The following ARHGAP18 variants were observed in gnomAD, a reference collection of about 807,000 sequenced individuals.
The protein encoded by ARHGAP18 is rho GTPase-activating protein 18.
A neutral mutation model predicts 86.2 loss-of-function variants in ARHGAP18; 67 were observed. That is an observed-to-expected ratio of 0.78 (90% confidence interval 0.64 to 0.95). The LOEUF (loss-of-function observed/expected upper bound fraction) is 0.95, where lower values mean the gene tolerates loss of function less well. Among genes scored for constraint, ARHGAP18 ranks in the 40% least tolerant of loss-of-function variants. The pLI is 0.00. For missense variants in ARHGAP18, 691 were observed against 780.4 expected, an observed-to-expected ratio of 0.89 and a Z score of 1.37; for synonymous variants, 283 against 280.4, an observed-to-expected ratio of 1.01 and a Z score of -0.09.
intron 1 of ARHGAP18, among the ~76,000 whole-genome samples, chr6:129,703,427 T>C (rs1774751554): frequency 6.6e-6 from 1 of 152,150 alleles, no homozygotes; most frequent in Non-Finnish European, 1.5e-5. Context: ...GGCAGCACAG[T>C]GCAATCGTAC....
chr6:129,604,582 G>A (rs553621788), intron 10 of ARHGAP18, among the ~76,000 whole-genome samples: 23 of 152,214 alleles, frequency 1.5e-4, no homozygotes, highest in East Asian at 3.9e-4. Context: ...ATGTTAGATC[G>A]TCAGCCCCAC....
chr6:129,703,156 G>C (rs1429583243), intron 1 of ARHGAP18, among the ~76,000 whole-genome samples: 1 of 152,198 alleles, frequency 6.6e-6, no homozygotes, highest in Non-Finnish European at 1.5e-5. Context: ...TCTAATTTGT[G>C]AGACAGATGT....
chr6:129,618,113 CA>C (rs59768184), intron 6 of ARHGAP18, among the ~76,000 whole-genome samples: 27,581 of 132,350 alleles, frequency 0.21, 2,830 homozygotes, highest in African/African-American at 0.31. Flanking sequence ...ACAAAAAAAA[CA>C]AAAAAAAAAA....
intron 1 of ARHGAP18, among the ~76,000 whole-genome samples, chr6:129,643,455 C>T (rs1773510907): frequency 6.6e-6 from 1 of 152,160 alleles, no homozygotes; most frequent in African/African-American, 2.4e-5. Context: ...GTTTGCCTCC[C>T]TTTCTGCCAT....
intron 1 of ARHGAP18, among the ~76,000 whole-genome samples, chr6:129,703,484 A>G (rs6917887): frequency 0.35 from 52,973 of 152,142 alleles, 10,406 homozygotes; most frequent in African/African-American, 0.51. Flanking sequence ...CAAATGTTCA[A>G]CAAGTTTCTC....
At position 129,608,067 on chromosome 6, in the gene ARHGAP18, A is replaced by AG; in HGVS notation, c.1123-16_1123-15insC. ...TGGCAAAGATTCTGATAGGCACGAA[A>AG]AAAAAAAAAAAAAAAAAAAGAAGCA... On this transcript the variant is annotated splice_polypyrimidine_tract_variant and intron_variant, in intron 8 of 14. Transcript: ENST00000368149. 1.5e-6 allele frequency: 1 copy of AG among 654,414 alleles called. No individual in the cohort carries two copies. 40.5% of individuals were successfully genotyped at this position (654,414 alleles called of 1,614,324 possible).
chr6:129,580,767 C>T (rs1039601272), intron 13 of ARHGAP18, among the ~76,000 whole-genome samples: 2 of 151,848 alleles, frequency 1.3e-5, no homozygotes, highest in Admixed American at 1.3e-4. Context: ...CCTAGCTACT[C>T]GGGAGGCTGA....
chr6:129,600,469 G>A (rs1788714720), intron 11 of ARHGAP18, among the ~76,000 whole-genome samples, 173 bp downstream of exon 11: 1 of 152,166 alleles, frequency 6.6e-6, no homozygotes, highest in Non-Finnish European at 1.5e-5. Context: ...TACAAGGCAT[G>A]TTTTGACATA....
intron 12 of ARHGAP18, among the ~76,000 whole-genome samples, chr6:129,596,312 T>C (rs1434250953): frequency 1.3e-5 from 2 of 152,020 alleles, no homozygotes; most frequent in African/African-American, 2.4e-5. Flanking sequence ...TGTCTTAAGG[T>C]TTTTTCACAG....
At chr6:129,642,040 T>C (rs1212428709) in intron 1 of ARHGAP18, 22 bp from the exon 2 acceptor site, 5 of 1,606,530 alleles carry the variant, frequency 3.1e-6, no homozygotes, top group East Asian at 2.2e-5. Flanking sequence ...AAAGAACCCA[T>C]GGTTTATTTT....
intron 4 of ARHGAP18, 76 bp downstream of exon 4, chr6:129,633,966 T>A (rs982356672): frequency 7.9e-6 from 10 of 1,268,758 alleles, no homozygotes; most frequent in East Asian, 4.8e-5. Context: ...TTGAAGGTAA[T>A]GTTTTATAAG....
At chr6:129,598,011 T>C (rs1419767797) in intron 12 of ARHGAP18, among the ~76,000 whole-genome samples, 4 of 152,158 alleles carry the variant, frequency 2.6e-5, no homozygotes, top group Non-Finnish European at 5.9e-5. Context: ...AAGTAGATCC[T>C]GAGCTTCAGA....
Position 129,577,052 on chromosome 6 carries a change from C to T in ARHGAP18, c.*1461G>A, listed in dbSNP as rs1173788870. On this transcript the variant is annotated 3_prime_UTR_variant, in exon 15 of 15. Coordinates refer to ENST00000368149, the MANE Select transcript of ARHGAP18 (RefSeq NM_033515.3). Reference sequence around the variant, plus strand: ...TATTAATAAAAAAAAAGCAAAAATACTCATAAACACATAGGATTAAAAGTA... The same window carrying T: ...TATTAATAAAAAAAAAGCAAAAATATTCATAAACACATAGGATTAAAAGTA... The T allele has an allele frequency of 6.6e-6, 1 of 151,678 alleles. No individual in the cohort carries two copies. Among genetic ancestry groups the T allele is most frequent in the East Asian group, 1.9e-4 (1 of 5,176 alleles). The allele number at this position is 151,678 out of a possible 1,614,324, so 9.4% of individuals were successfully genotyped here.
In ARHGAP18 at chr6:129,637,257, G is replaced by C. The variant is rs117256255; in HGVS notation, c.552+1137C>G. On this transcript the variant is annotated intron_variant, in intron 3 of 14. Coordinates refer to ENST00000368149, the MANE Select transcript of ARHGAP18 (RefSeq NM_033515.3). The stretch of plus-strand genomic sequence containing the variant: ...TTCTTGCGCTTTTTGTAGAGATTGG[G>C]TTTTGCTATGTTGCCCAGGCTGGTC... 2.0e-5 allele frequency among the ~76,000 whole-genome samples: 3 copies of C among 152,166 alleles called. No individual in the cohort carries two copies. In the South Asian group the frequency reaches 6.2e-4, roughly 32 times the overall value.
At chr6:129,624,799 G>C (rs1366346244) in intron 5 of ARHGAP18, among the ~76,000 whole-genome samples, 1 of 150,854 alleles carries the variant, frequency 6.6e-6, no homozygotes, top group East Asian at 1.9e-4. Context: ...ACAAAAATCA[G>C]CCGGGCGTGG....
At chr6:129,709,225 C>T (rs1338501925) in intron 1 of ARHGAP18, among the ~76,000 whole-genome samples, 1 of 151,718 alleles carries the variant, frequency 6.6e-6, no homozygotes. Context: ...CCAATATTTA[C>T]TATTTATATC....
intron 4 of ARHGAP18, among the ~76,000 whole-genome samples, chr6:129,631,406 C>T (rs868575087): frequency 2.7e-5 from 4 of 150,148 alleles, no homozygotes; most frequent in Non-Finnish European, 5.9e-5. Flanking sequence ...AAAAAAATAC[C>T]GCATATCAAA....
chr6:129,595,587 C>T (rs191740719), intron 12 of ARHGAP18, among the ~76,000 whole-genome samples: 1 of 152,266 alleles, frequency 6.6e-6, no homozygotes, highest in Admixed American at 6.5e-5. Flanking sequence ...CTCCTACCTA[C>T]CCTCCAATCT....
At chr6:129,591,821 T>C (rs971330381) in intron 12 of ARHGAP18, among the ~76,000 whole-genome samples, 6 of 152,188 alleles carry the variant, frequency 3.9e-5, no homozygotes, top group Admixed American at 1.3e-4. Context: ...AGGCCAGATA[T>C]AACACATATT....
Sources: allele counts gnomAD v4.1 joint callset (sites outside exome capture counted in the v4.1 genomes callset), GRCh38; gene constraint gnomAD v4.1.1; transcripts MANE v1.5; gene names NCBI Gene and HGNC (gene_info 2026-07-23, HGNC 2026-07-21).